FBXO31: variants seen among roughly 807,000 people sequenced by gnomAD.
The protein encoded by FBXO31 is F-box protein 31, also known as F-box only protein 31.
FBXO31 carries 24 observed loss-of-function variants against 54.4 expected under a neutral mutation model. The ratio of observed to expected loss-of-function variants is 0.44; its 90% confidence interval spans 0.32 to 0.62. The LOEUF (loss-of-function observed/expected upper bound fraction) is 0.62. Ranked by LOEUF, FBXO31 falls within the 20% of genes least tolerant of loss-of-function variation. The pLI is 0.05. For synonymous variants in FBXO31, 388 were observed against 335.6 expected, an observed-to-expected ratio of 1.16 and a Z score of -1.71; for missense variants, 665 against 787.1, an observed-to-expected ratio of 0.84 and a Z score of 1.86.
chr16:87,346,648 G>C lies in FBXO31; in HGVS notation c.489+526C>G, dbSNP rs905408715. Among the ~76,000 whole-genome samples, 1 of 152,206 alleles carries C rather than the reference G, an allele frequency of 6.6e-6. No homozygotes were observed. The highest frequency in any genetic ancestry group is 2.4e-5 in the African/African-American group (1 of 41,462). On this transcript the variant is annotated intron_variant, in intron 3 of 8. Transcript: ENST00000311635. The surrounding 1 kb of genome is among the most constrained non-coding windows in gnomAD (Gnocchi z 4.2). ...CTGGACTTCCGCCTGCAACGTTCTA[G>C]CACTTTCTAGCAGGGGCCAGCCACC...
At chr16:87,371,246 A>G (rs1906591036) in intron 1 of FBXO31, among the ~76,000 whole-genome samples, 1 of 152,230 alleles carries the variant, frequency 6.6e-6, no homozygotes. Flanking sequence ...CATCCCTGCA[A>G]TGACAGTAGC....
At chr16:87,375,071 C>A (rs1260717494) in intron 1 of FBXO31, among the ~76,000 whole-genome samples, 1 of 152,194 alleles carries the variant, frequency 6.6e-6, no homozygotes, top group African/African-American at 2.4e-5. Flanking sequence ...GTAATCCCAG[C>A]ACTTTGGGAG....
chr16:87,344,898 C>T (rs58520242), intron 3 of FBXO31, among the ~76,000 whole-genome samples: 3 of 110,202 alleles, frequency 2.7e-5, no homozygotes, highest in Admixed American at 1.9e-4. Flanking sequence ...CCTCCGGCAG[C>T]GCCCATCCCT....
chr16:87,343,745 G>C lies in FBXO31; in HGVS notation c.510C>G (p.Ile170Met), dbSNP rs755198640. 1.2e-6 allele frequency: 2 copies of C among 1,614,220 alleles called. No homozygotes were observed. The highest frequency in any genetic ancestry group is 8.5e-7 in the Non-Finnish European group (1 of 1,180,024). The change falls in exon 4 of 9, where the codon ATC (isoleucine) becomes ATG (methionine). Residue 170 changes from isoleucine to methionine, a missense_variant. This residue lies in a region of FBXO31 where 234 missense variants were observed against 346.8 expected (regional missense o/e 0.67). Transcript: ENST00000311635. ...CATGGGGAGGCAGGTACATCCACCCGATGATGAACAGGCCGTCCACCTACA... is the reference window on the plus strand; with the variant it reads ...CATGGGGAGGCAGGTACATCCACCCCATGATGAACAGGCCGTCCACCTACA... The part of the protein sequence containing the change: ...LNVVVDGLFI[I>M]GWMYLPPHDP...
chr16:87,359,143 C>T (rs925137382), intron 2 of FBXO31, among the ~76,000 whole-genome samples: 2 of 152,220 alleles, frequency 1.3e-5, no homozygotes, highest in East Asian at 1.9e-4. Flanking sequence ...ACTAACACTG[C>T]GGGGAATAAA....
At chr16:87,387,411 T>A (rs1597384409), upstream of FBXO31, among the ~76,000 whole-genome samples, 1 of 152,364 alleles carries the variant, frequency 6.6e-6, no homozygotes, top group Middle Eastern at 3.4e-3. Context: ...ACCTCTTTGT[T>A]AGTGAGAACT....
upstream of FBXO31, chr16:87,390,016 C>G (rs746670630): frequency 6.6e-6 from 1 of 152,240 alleles, no homozygotes; most frequent in Non-Finnish European, 1.5e-5. Context: ...CGCGGTGGCT[C>G]GTGCCTGTAA....
At chr16:87,382,439 C>T (rs1010482109) in intron 1 of FBXO31, among the ~76,000 whole-genome samples, 1 of 152,128 alleles carries the variant, frequency 6.6e-6, no homozygotes, top group Non-Finnish European at 1.5e-5. Context: ...GCTGCTTGAA[C>T]ATCAAAGAGC....
At chr16:87,363,216 C>A (rs941303110) in intron 1 of FBXO31, among the ~76,000 whole-genome samples, 1 of 152,120 alleles carries the variant, frequency 6.6e-6, no homozygotes, top group Non-Finnish European at 1.5e-5. Flanking sequence ...GAAACCCCGT[C>A]TCTACTGAAA....
intron 1 of FBXO31, among the ~76,000 whole-genome samples, chr16:87,374,046 C>T (rs1443391701): frequency 6.6e-6 from 1 of 152,066 alleles, no homozygotes; most frequent in Non-Finnish European, 1.5e-5. Flanking sequence ...TCCAGACCAG[C>T]CCGGGCAACA....
chr16:87,348,658 A>T (rs1320067266), intron 2 of FBXO31, among the ~76,000 whole-genome samples: 2 of 152,082 alleles, frequency 1.3e-5, no homozygotes, highest in African/African-American at 4.8e-5. Context: ...TTACAGCCTC[A>T]CCCATCTGGG....
Position 87,346,971 on chromosome 16 carries a change from G to A in FBXO31, c.489+203C>T, listed in dbSNP as rs893006006. On this transcript the variant is annotated intron_variant, in intron 3 of 8. Coordinates refer to ENST00000311635, the MANE Select transcript of FBXO31 (RefSeq NM_024735.5). The surrounding 1 kb of genome is among the most constrained non-coding windows in gnomAD (Gnocchi z 4.2). ...GAGTCCAAGGACGGGCCACAAGGCC[G>A]AAGTGTTGCTCTAAGCAAACCTTTG... Among the ~76,000 whole-genome samples the A allele has an allele frequency of 6.6e-6, 1 of 152,252 alleles. No homozygotes were observed. Among genetic ancestry groups the A allele is most frequent in the Non-Finnish European group, 1.5e-5 (1 of 68,042 alleles).
At chr16:87,390,482 C>A (rs1354227322), upstream of FBXO31, among the ~76,000 whole-genome samples, 1 of 151,468 alleles carries the variant, frequency 6.6e-6, no homozygotes, top group Non-Finnish European at 1.5e-5. Context: ...GCTCTTTCCC[C>A]CAGGCTGGAG....
chr16:87,360,894 A>G (rs1431033512), intron 1 of FBXO31, among the ~76,000 whole-genome samples: 1 of 152,200 alleles, frequency 6.6e-6, no homozygotes, highest in Admixed American at 6.5e-5. Context: ...AGGCTTGGCC[A>G]GGGCCCAGTG....
Position 87,383,015 on chromosome 16 carries a change from G to A in FBXO31, c.340+390C>T, listed in dbSNP as rs910211220. ...GGCTCGCCTTCAAGACAGGGGCAGA[G>A]GAGGCGGCCCCCAGGCGTCAGCTTA... On this transcript the variant is annotated intron_variant, in intron 1 of 8. Transcript: ENST00000311635. The surrounding 1 kb of genome is among the most constrained non-coding windows in gnomAD (Gnocchi z 4.9). Among the ~76,000 whole-genome samples the A allele has an allele frequency of 1.2e-4, 18 of 152,068 alleles. No individual in the cohort carries two copies. The highest frequency in any genetic ancestry group is 4.3e-4 in the African/African-American group (18 of 41,446).
intron 2 of FBXO31, among the ~76,000 whole-genome samples, chr16:87,356,841 G>A (rs546274669): frequency 6.6e-6 from 1 of 152,300 alleles, no homozygotes; most frequent in Non-Finnish European, 1.5e-5. Context: ...GGGGCTCCAC[G>A]AGCCTCTAGA....
intron 2 of FBXO31, among the ~76,000 whole-genome samples, chr16:87,355,016 C>A (rs1275509830): frequency 6.6e-6 from 1 of 152,002 alleles, no homozygotes; most frequent in African/African-American, 2.4e-5. Flanking sequence ...AGGGTCCCAG[C>A]CTTCTACCGT....
chr16:87,350,979 T>G, intron 2 of FBXO31, among the ~76,000 whole-genome samples: 1 of 152,250 alleles, frequency 6.6e-6, no homozygotes, highest in Middle Eastern at 3.2e-3. Flanking sequence ...ACCTTCGCTG[T>G]ACTTTGGAAG....
chr16:87,379,985 G>A (rs1398906894), intron 1 of FBXO31, among the ~76,000 whole-genome samples: 2 of 145,074 alleles, frequency 1.4e-5, no homozygotes, highest in African/African-American at 2.6e-5. Context: ...GCAAGAGAGC[G>A]AGACTCCGCT....
Sources: gnomAD v4.1 joint callset for allele counts (sites outside exome capture counted in the v4.1 genomes callset) on GRCh38, gnomAD v4.1.1 for gene constraint, gnomAD v4.1.1 regional missense constraint, Gnocchi (gnomAD v3.1) non-coding constraint, MANE v1.5 for transcripts, NCBI Gene and HGNC (gene_info 2026-07-23, HGNC 2026-07-21) for gene names.